The following GATA4 variants were observed in gnomAD, a reference collection of about 807,000 sequenced individuals.
GATA4 encodes the protein transcription factor GATA-4.
GATA4 carries 7 observed loss-of-function variants against 37.9 expected under a neutral mutation model. That is an observed-to-expected ratio of 0.18 (90% CI 0.11 to 0.35). The LOEUF (loss-of-function observed/expected upper bound fraction) is 0.35. GATA4 is among the 10% of genes least tolerant of loss of function. The probability of loss-of-function intolerance (pLI) is 1.00; values close to 1 mark genes in which losing one functional copy is unlikely to be tolerated. For synonymous variants in GATA4, 372 were observed against 292.6 expected (o/e 1.27, Z -2.77); for missense variants, 647 against 653.0 (o/e 0.99, Z 0.10).
intron 1 of GATA4, among the ~76,000 whole-genome samples, chr8:11,704,520 A>G (rs937889075): frequency 3.3e-5 from 5 of 152,200 alleles, no homozygotes; most frequent in Admixed American, 6.5e-5. Flanking sequence ...CAAAACAGAG[A>G]AATATTGGAA....
rs1275212888 is a variant in GATA4, at chr8:11,750,366, C to T, written c.912+130C>T. 4 of 1,268,000 alleles carry T rather than the reference C, an allele frequency of 3.2e-6. No homozygotes were observed. In the East Asian group the frequency reaches 7.5e-5, roughly 24 times the overall value. 78.5% of individuals were successfully genotyped at this position (1,268,000 alleles called of 1,614,324 possible). On this transcript the variant is annotated intron_variant, in intron 4 of 6. Transcript: ENST00000532059. ...CAAAGAGACTTAGATTTGGAAGGGG[C>T]TTTCAACTACTTTGCTGGCCTCTTC...
At chr8:11,705,181 C>T (rs1799838515) in intron 1 of GATA4, among the ~76,000 whole-genome samples, 1 of 152,224 alleles carries the variant, frequency 6.6e-6, no homozygotes, top group South Asian at 2.1e-4. Flanking sequence ...CAGCGCGGCC[C>T]GCACCGTGGA....
intron 2 of GATA4, among the ~76,000 whole-genome samples, chr8:11,712,333 G>A (rs765984678): frequency 2.0e-5 from 3 of 152,158 alleles, no homozygotes; most frequent in Non-Finnish European, 2.9e-5. Flanking sequence ...ATTACCCATC[G>A]TTGTGGTTTG....
At chr8:11,747,894 A>C (rs745657320) in intron 2 of GATA4, among the ~76,000 whole-genome samples, 1 of 152,214 alleles carries the variant, frequency 6.6e-6, no homozygotes, top group Non-Finnish European at 1.5e-5. Context: ...CAAACGACCC[A>C]CACAGACTCA....
upstream of GATA4, among the ~76,000 whole-genome samples, chr8:11,690,426 A>G (rs1480728316): frequency 6.6e-6 from 1 of 152,192 alleles, no homozygotes; most frequent in Non-Finnish European, 1.5e-5. Flanking sequence ...CTTCAAGGAG[A>G]CTAAAATTTT....
At chr8:11,734,758 G>A (rs1801376271) in intron 2 of GATA4, among the ~76,000 whole-genome samples, 1 of 152,158 alleles carries the variant, frequency 6.6e-6, no homozygotes, top group Admixed American at 6.5e-5. Context: ...CGAAAGGGCT[G>A]GGATTACAAG....
At chr8:11,693,552 C>CAGAGAGAGAG (rs1248723269) in intron 1 of GATA4, among the ~76,000 whole-genome samples, 14 of 118,186 alleles carry the variant, frequency 1.2e-4, no homozygotes, top group South Asian at 7.2e-4. Context: ...CACACACACA[C>CAGAGAGAGAG]ACACACACAC....
At chr8:11,685,785 T>C (rs930334068) in intron 1 of GATA4, among the ~76,000 whole-genome samples, 1 of 152,210 alleles carries the variant, frequency 6.6e-6, no homozygotes, top group African/African-American at 2.4e-5. Context: ...GACTCCCTTT[T>C]CTGGCAGGAG....
At chr8:11,692,253 G>T (rs1799337928), upstream of GATA4, among the ~76,000 whole-genome samples, 1 of 152,220 alleles carries the variant, frequency 6.6e-6, no homozygotes, top group South Asian at 2.1e-4. Flanking sequence ...GAGCGCAGGG[G>T]TGGAGAATGA....
intron 1 of GATA4, among the ~76,000 whole-genome samples, chr8:11,686,509 C>G (rs1458149142): frequency 1.3e-5 from 2 of 152,164 alleles, no homozygotes; most frequent in Non-Finnish European, 2.9e-5. Context: ...TTTCTGAAGA[C>G]TGGAGGCAGC....
intron 2 of GATA4, among the ~76,000 whole-genome samples, chr8:11,717,616 C>T (rs180739432): frequency 6.6e-6 from 1 of 152,304 alleles, no homozygotes; most frequent in African/African-American, 2.4e-5. Context: ...GCACTTGGCT[C>T]TTCAGAACCA....
At chr8:11,683,014 G>A in intron 1 of GATA4, 1 of 965,174 alleles carries the variant, frequency 1.0e-6, no homozygotes, top group Non-Finnish European at 1.2e-6. Context: ...GTCTTGAGGT[G>A]GAAACAGCCT....
At chr8:11,691,601 G>C (rs1357680725), upstream of GATA4, among the ~76,000 whole-genome samples, 1 of 152,250 alleles carries the variant, frequency 6.6e-6, no homozygotes, top group African/African-American at 2.4e-5. Flanking sequence ...TTTATGGACA[G>C]AAAACTAAGG....
intron 2 of GATA4, among the ~76,000 whole-genome samples, chr8:11,748,629 G>A (rs1802143006): frequency 1.3e-5 from 2 of 152,206 alleles, no homozygotes; most frequent in Admixed American, 6.5e-5. Context: ...TGGAGGCTCT[G>A]AATGTGATAC....
At chr8:11,722,034 G>C (rs1009523115) in intron 2 of GATA4, among the ~76,000 whole-genome samples, 2 of 151,952 alleles carry the variant, frequency 1.3e-5, no homozygotes, top group African/African-American at 4.8e-5. Flanking sequence ...ATTTTTTTGA[G>C]ACAGACTCTC....
chr8:11,726,895 C>T (rs1037116132), intron 2 of GATA4, among the ~76,000 whole-genome samples: 2 of 152,212 alleles, frequency 1.3e-5, no homozygotes, highest in African/African-American at 4.8e-5. Flanking sequence ...CAATCTTTCC[C>T]TGCCAGCTTG....
At chr8:11,697,906 G>C in intron 1 of GATA4, 19 of 985,464 alleles carry the variant, frequency 1.9e-5, no homozygotes, top group Non-Finnish European at 2.2e-5. Context: ...CAGATCTCTG[G>C]GGGACCCACC....
intron 2 of GATA4, among the ~76,000 whole-genome samples, chr8:11,741,329 A>G (rs918484558): frequency 5.9e-5 from 9 of 152,104 alleles, no homozygotes; most frequent in African/African-American, 2.2e-4. Context: ...TGCTAGAAAA[A>G]TTAGCTGAGC....
At chr8:11,677,774 T>TAAAG (rs1390521276) in intron 1 of GATA4, among the ~76,000 whole-genome samples, 5 of 152,094 alleles carry the variant, frequency 3.3e-5, no homozygotes, top group Non-Finnish European at 7.3e-5. Context: ...AATTTCCGAT[T>TAAAG]ATTCTGGAGC....
Sources: allele counts gnomAD v4.1 joint callset (sites outside exome capture counted in the v4.1 genomes callset), GRCh38; gene constraint gnomAD v4.1.1; transcripts MANE v1.5; gene names NCBI Gene and HGNC (gene_info 2026-07-23, HGNC 2026-07-21).